Variants in TIAM1 observed in about 807,000 individuals in gnomAD.
TIAM1 encodes the protein rho guanine nucleotide exchange factor TIAM1.
A neutral mutation model predicts 163.5 loss-of-function variants in TIAM1; 65 were observed. The ratio of observed to expected loss-of-function variants is 0.40; its 90% CI spans 0.33 to 0.49. The LOEUF (loss-of-function observed/expected upper bound fraction) is 0.49, where lower values mean the gene tolerates loss of function less well. Ranked by LOEUF, TIAM1 falls within the 20% of genes least tolerant of loss-of-function variation. The pLI, the probability that TIAM1 is intolerant of heterozygous loss-of-function variation, is 0.77. For synonymous variants in TIAM1, 833 were observed against 810.1 expected (o/e 1.03, Z -0.48); for missense variants, 1,789 against 2,044.7 (o/e 0.87, Z 2.41).
intron 2 of TIAM1, among the ~76,000 whole-genome samples, chr21:31,278,626 C>T (rs1241152475): frequency 3.3e-5 from 5 of 152,174 alleles, no homozygotes; most frequent in African/African-American, 1.2e-4. Context: ...TAAATATATA[C>T]GTCTATCCAG....
At chr21:31,468,350 G>C (rs2045606621) in intron 1 of TIAM1, among the ~76,000 whole-genome samples, 1 of 151,894 alleles carries the variant, frequency 6.6e-6, no homozygotes, top group Non-Finnish European at 1.5e-5. Flanking sequence ...GGGTGTGGTG[G>C]TGCATGCCTG....
intron 1 of TIAM1, among the ~76,000 whole-genome samples, chr21:31,473,384 C>A (rs1483663926): frequency 7.5e-6 from 1 of 133,882 alleles, no homozygotes; most frequent in South Asian, 2.6e-4. Context: ...GAGCCGTGAT[C>A]GTGCCACTGC....
chr21:31,192,998 G>C (rs1276615865), intron 13 of TIAM1, among the ~76,000 whole-genome samples: 1 of 152,074 alleles, frequency 6.6e-6, no homozygotes, highest in Admixed American at 6.6e-5. Context: ...TGTTACCTCA[G>C]CTAACCTCGC....
At chr21:31,136,982 T>C (rs932948274) in intron 22 of TIAM1, among the ~76,000 whole-genome samples, 16 of 152,224 alleles carry the variant, frequency 1.1e-4, no homozygotes, top group Non-Finnish European at 1.8e-4. Context: ...CCATGAGGTT[T>C]AGTCGCTCAC....
intron 2 of TIAM1, among the ~76,000 whole-genome samples, chr21:31,300,635 T>C (rs976087610): frequency 6.6e-6 from 1 of 152,232 alleles, no homozygotes; most frequent in Non-Finnish European, 1.5e-5. Context: ...CTTCACATCT[T>C]TACTACAAGT....
At chr21:31,446,684 T>C (rs580175) in intron 2 of TIAM1, among the ~76,000 whole-genome samples, 124,836 of 152,074 alleles carry the variant, frequency 0.82, 51,588 homozygotes, top group East Asian at 0.92. Context: ...AAACAGGAAA[T>C]AGAACAAGAA....
At chr21:31,218,892 C>G (rs571516616) in intron 8 of TIAM1, among the ~76,000 whole-genome samples, 1 of 151,980 alleles carries the variant, frequency 6.6e-6, no homozygotes, top group Admixed American at 6.6e-5. Context: ...GATGAAGGCA[C>G]CTTACCAGAC....
chr21:31,315,963 C>T (rs1050859981), intron 2 of TIAM1, among the ~76,000 whole-genome samples: 2 of 152,136 alleles, frequency 1.3e-5, no homozygotes, highest in Admixed American at 6.5e-5. Context: ...GGAGACAGAG[C>T]GAGACTCGGT....
intron 20 of TIAM1, 29 bp downstream of exon 20, chr21:31,146,866 C>T (rs199574321): frequency 6.3e-7 from 1 of 1,580,274 alleles, no homozygotes; most frequent in Non-Finnish European, 8.7e-7. Flanking sequence ...AGCAACACAC[C>T]CCCACCTCCA....
At chr21:31,242,388 T>G (rs1359521005) in intron 6 of TIAM1, among the ~76,000 whole-genome samples, 1 of 152,024 alleles carries the variant, frequency 6.6e-6, no homozygotes, top group Non-Finnish European at 1.5e-5. Context: ...CTGGCTGTGG[T>G]GGTGCACACC....
intron 3 of TIAM1, among the ~76,000 whole-genome samples, chr21:31,276,149 G>C (rs1187983063): frequency 1.3e-5 from 2 of 152,222 alleles, no homozygotes; most frequent in East Asian, 3.9e-4. Context: ...ACGGTGTTGG[G>C]GGGTGGGGGT....
rs537081091 is a variant in TIAM1, at chr21:31,141,316, G to T, written c.3655+9C>A. 1.7e-4 allele frequency: 271 copies of T among 1,613,808 alleles called. 3 individuals are homozygous for T. In the South Asian group the frequency reaches 2.5e-3, roughly 15 times the overall value. ...TCAGGCCTGCCGGGGGTCCCAGGCC[G>T]AGGCCTACCGTCCAGGTGGTAGTGC... On this transcript the variant is annotated intron_variant, in intron 21 of 27. Coordinates refer to ENST00000541036, the MANE Select transcript of TIAM1 (RefSeq NM_001353694.2). This position sits in a 1 kb window ranked among gnomAD's most constrained non-coding sequence, Gnocchi z 4.7.
intron 1 of TIAM1, among the ~76,000 whole-genome samples, chr21:31,339,779 C>T (rs1215418870): frequency 1.3e-5 from 2 of 152,148 alleles, no homozygotes; most frequent in African/African-American, 4.8e-5. Flanking sequence ...CTGAATCATT[C>T]AAGAAACAAA....
chr21:31,225,168 T>C (rs774250044), intron 7 of TIAM1, among the ~76,000 whole-genome samples: 3 of 152,062 alleles, frequency 2.0e-5, no homozygotes, highest in Admixed American at 6.6e-5. Flanking sequence ...CGGCTAATTT[T>C]TGTATTTTTT....
At chr21:31,311,147 A>G (rs190768448) in intron 2 of TIAM1, among the ~76,000 whole-genome samples, 125 of 145,978 alleles carry the variant, frequency 8.6e-4, no homozygotes, top group African/African-American at 3.0e-3. Flanking sequence ...GCCATCAGGA[A>G]ATGGTTTTTT....
chr21:31,216,467 C>T (rs1188784182), intron 9 of TIAM1, among the ~76,000 whole-genome samples: 1 of 152,094 alleles, frequency 6.6e-6, no homozygotes, highest in Non-Finnish European at 1.5e-5. Flanking sequence ...ATTCTTCTTC[C>T]GAAAGACTAC....
intron 2 of TIAM1, among the ~76,000 whole-genome samples, chr21:31,403,103 A>G (rs902908536): frequency 6.6e-6 from 1 of 152,222 alleles, no homozygotes; most frequent in African/African-American, 2.4e-5. Flanking sequence ...ATGACTCAGA[A>G]GAATTTGAAT....
chr21:31,329,687 TTCTTAGAG>T (rs2075614249), intron 2 of TIAM1, among the ~76,000 whole-genome samples: 1 of 152,214 alleles, frequency 6.6e-6, no homozygotes, highest in Non-Finnish European at 1.5e-5. Context: ...GAAAATCCCA[TTCTTAGAG>T]TATCAGAGCC....
rs575779038 is a variant in TIAM1 at position 31,240,896 on chromosome 21, C to A, written c.1584+4592G>T. Among the ~76,000 whole-genome samples the A allele has an allele frequency of 1.1e-4, 16 of 152,316 alleles. No homozygotes were observed. In the East Asian group the frequency reaches 3.1e-3, roughly 29 times the overall value. ...TGGCTGTGTCCCCACCTAATCTCAT[C>A]TTCAATTGTAGTGCCCATAATTCCC... On this transcript the variant is annotated intron_variant, in intron 6 of 27. Transcript: ENST00000541036.
Sources: gnomAD v4.1 joint callset for allele counts (sites outside exome capture counted in the v4.1 genomes callset) on GRCh38, gnomAD v4.1.1 for gene constraint, Gnocchi (gnomAD v3.1) non-coding constraint, MANE v1.5 for transcripts, NCBI Gene and HGNC (gene_info 2026-07-23, HGNC 2026-07-21) for gene names.